The following DLG2 variants were observed in gnomAD, a reference collection of about 807,000 sequenced individuals.
The protein encoded by DLG2 is discs large MAGUK scaffold protein 2, also known as disks large homolog 2.
A neutral mutation model predicts 132.5 loss-of-function variants in DLG2; 45 were observed. The observed-to-expected ratio is 0.34, with a 90% CI of 0.27 to 0.44. The LOEUF (loss-of-function observed/expected upper bound fraction) is 0.44, where lower values mean the gene tolerates loss of function less well. Among genes scored for constraint, DLG2 ranks in the 20% least tolerant of loss-of-function variants. The pLI, the probability that DLG2 is intolerant of heterozygous loss-of-function variation, is 1.00. For synonymous variants in DLG2, 424 were observed against 419.6 expected (o/e 1.01, Z -0.13); for missense variants, 1,045 against 1,196.9 (o/e 0.87, Z 1.87).
intron 11 of DLG2, among the ~76,000 whole-genome samples, chr11:84,022,340 AG>A (rs1051605442): frequency 6.6e-6 from 1 of 152,224 alleles, no homozygotes; most frequent in African/African-American, 2.4e-5. Context: ...AAAGATTTGT[AG>A]GGAGAACAAC....
intron 18 of DLG2, among the ~76,000 whole-genome samples, chr11:83,746,134 A>G (rs930595631): frequency 6.2e-4 from 94 of 152,286 alleles, no homozygotes; most frequent in Middle Eastern, 3.4e-3. Flanking sequence ...TGGTGGGACT[A>G]TAAACTAGTT....
intron 6 of DLG2, among the ~76,000 whole-genome samples, chr11:84,657,727 C>T (rs375537830): frequency 7.2e-5 from 11 of 152,176 alleles, no homozygotes; most frequent in African/African-American, 2.2e-4. Flanking sequence ...TGCTGCTCTC[C>T]TCCTGCTGTG....
intron 20 of DLG2, among the ~76,000 whole-genome samples, chr11:83,541,279 A>G (rs2096885438): frequency 6.6e-6 from 1 of 152,168 alleles, no homozygotes; most frequent in African/African-American, 2.4e-5. Flanking sequence ...AGCCTAGTAA[A>G]TTGCCTACTT....
chr11:84,003,815 C>A (rs1201297541), intron 11 of DLG2, among the ~76,000 whole-genome samples: 2 of 151,994 alleles, frequency 1.3e-5, no homozygotes, highest in African/African-American at 4.8e-5. Flanking sequence ...TTAGGAACAA[C>A]TATGTGATAA....
chr11:83,648,624 G>A (rs2153508827), intron 18 of DLG2, among the ~76,000 whole-genome samples: 1 of 152,280 alleles, frequency 6.6e-6, no homozygotes, highest in East Asian at 1.9e-4. Flanking sequence ...ACATTCATGG[G>A]AAGGGATAAA....
intron 19 of DLG2, among the ~76,000 whole-genome samples, chr11:83,545,457 T>G (rs2096214097): frequency 6.6e-6 from 1 of 152,126 alleles, no homozygotes; most frequent in Non-Finnish European, 1.5e-5. Context: ...CTGGACTATG[T>G]GAAAGACATC....
At chr11:85,188,861 A>C (rs1247365898) in intron 4 of DLG2, among the ~76,000 whole-genome samples, 1 of 152,158 alleles carries the variant, frequency 6.6e-6, no homozygotes, top group Admixed American at 6.5e-5. Flanking sequence ...GACCTCTAGG[A>C]CAACATCAAA....
intron 7 of DLG2, among the ~76,000 whole-genome samples, chr11:84,280,981 A>G (rs565635416): frequency 6.8e-6 from 1 of 147,110 alleles, no homozygotes; most frequent in South Asian, 2.2e-4. Flanking sequence ...TCGGCCTCCC[A>G]AAGTGCTGGG....
chr11:85,204,244 TTTTATCC>T (rs796748948), intron 4 of DLG2, among the ~76,000 whole-genome samples: 6 of 152,236 alleles, frequency 3.9e-5, no homozygotes, highest in African/African-American at 1.4e-4. Flanking sequence ...AGAGGTCAAA[TTTTATCC>T]TTGTTTGCAG....
At chr11:84,618,373 C>G (rs1433856108) in intron 6 of DLG2, among the ~76,000 whole-genome samples, 1 of 151,982 alleles carries the variant, frequency 6.6e-6, no homozygotes, top group Non-Finnish European at 1.5e-5. Flanking sequence ...TCTGGTGAGC[C>G]GTCCTGCTAT....
intron 6 of DLG2, among the ~76,000 whole-genome samples, chr11:84,830,983 C>A: frequency 8.9e-6 from 1 of 112,980 alleles, no homozygotes; most frequent in Admixed American, 1.2e-4. Context: ...GTCTCTATTT[C>A]TTTTCCCCCC....
chr11:83,514,102 C>T (rs2095184028), intron 21 of DLG2, among the ~76,000 whole-genome samples: 1 of 152,116 alleles, frequency 6.6e-6, no homozygotes, highest in South Asian at 2.1e-4. Flanking sequence ...GGCATTGAAT[C>T]TATAAATTAC....
At chr11:85,479,614 C>CAGGAAAATG (rs1461651921) in intron 3 of DLG2, among the ~76,000 whole-genome samples, 1 of 152,156 alleles carries the variant, frequency 6.6e-6, no homozygotes, top group Non-Finnish European at 1.5e-5. Flanking sequence ...CTCTACTTAT[C>CAGGAAAATG]AGGAAAATGC....
intron 7 of DLG2, among the ~76,000 whole-genome samples, chr11:84,405,943 C>T (rs1261306676): frequency 1.3e-5 from 2 of 152,182 alleles, no homozygotes; most frequent in Non-Finnish European, 2.9e-5. Flanking sequence ...TCTCTATCGC[C>T]ATAACCTTGG....
intron 6 of DLG2, among the ~76,000 whole-genome samples, chr11:84,756,740 A>AT (rs1174824170): frequency 6.6e-6 from 1 of 152,036 alleles, no homozygotes; most frequent in African/African-American, 2.4e-5. Flanking sequence ...ATATAATGAG[A>AT]TTTTTTTGTG....
At chr11:85,528,270 C>G (rs1270609695) in intron 3 of DLG2, among the ~76,000 whole-genome samples, 1 of 152,034 alleles carries the variant, frequency 6.6e-6, no homozygotes, top group Non-Finnish European at 1.5e-5. Flanking sequence ...ATGCCTATGT[C>G]CTGAATGGTA....
chr11:85,415,638 G>C (rs1043186188), intron 3 of DLG2, among the ~76,000 whole-genome samples: 1 of 151,748 alleles, frequency 6.6e-6, no homozygotes, highest in African/African-American at 2.4e-5. Context: ...TCATATGTTT[G>C]CTGGCTGCTT....
At chr11:84,175,197 C>T (rs1236293169) in intron 8 of DLG2, among the ~76,000 whole-genome samples, 1 of 152,134 alleles carries the variant, frequency 6.6e-6, no homozygotes, top group Non-Finnish European at 1.5e-5. Context: ...TCTGGTCATA[C>T]ATAGCAGAGC....
chr11:84,740,662 G>A (rs2064490780), intron 6 of DLG2, among the ~76,000 whole-genome samples: 1 of 152,146 alleles, frequency 6.6e-6, no homozygotes, highest in South Asian at 2.1e-4. Context: ...CACAACTCCA[G>A]CGGTGCAGAG....
Sources: gnomAD v4.1 joint callset for allele counts (sites outside exome capture counted in the v4.1 genomes callset) on GRCh38, gnomAD v4.1.1 for gene constraint, MANE v1.5 for transcripts, NCBI Gene and HGNC (gene_info 2026-07-23, HGNC 2026-07-21) for gene names.